The following ALCAM variants were observed in gnomAD, a reference collection of about 807,000 sequenced individuals.
The protein encoded by ALCAM is activated leukocyte cell adhesion molecule, also known as CD166 antigen.
In ALCAM, 30 loss-of-function variants were observed where a neutral mutation model predicts 70.9. That is an observed-to-expected ratio of 0.42 (90% CI 0.32 to 0.57). ALCAM has a LOEUF of 0.57. Among genes scored for constraint, ALCAM ranks in the 20% least tolerant of loss-of-function variants. The pLI, the probability that ALCAM is intolerant of heterozygous loss-of-function variation, is 0.11. For missense variants in ALCAM, 591 were observed against 695.1 expected (o/e 0.85, Z 1.68); for synonymous variants, 249 against 242.5 (o/e 1.03, Z -0.25).
intron 1 of ALCAM, among the ~76,000 whole-genome samples, chr3:105,491,199 G>A (rs951893695): frequency 3.9e-5 from 6 of 152,178 alleles, no homozygotes; most frequent in Non-Finnish European, 8.8e-5. Flanking sequence ...GCCATGGCTG[G>A]AGTGGATGAG....
chr3:105,564,053 T>A (rs183970959), intron 14 of ALCAM, among the ~76,000 whole-genome samples: 173 of 152,272 alleles, frequency 1.1e-3, no homozygotes, highest in African/African-American at 4.0e-3. Context: ...TTGAAGTACA[T>A]TGAGATTTAT....
chr3:105,377,292 G>T (rs942865155), intron 1 of ALCAM, among the ~76,000 whole-genome samples: 4 of 152,080 alleles, frequency 2.6e-5, no homozygotes, highest in African/African-American at 9.7e-5. Flanking sequence ...ACAAACTAGA[G>T]CAGTGAACAT....
intron 8 of ALCAM, among the ~76,000 whole-genome samples, chr3:105,542,895 G>T (rs1358148222): frequency 6.6e-6 from 1 of 151,676 alleles, no homozygotes; most frequent in African/African-American, 2.4e-5. Context: ...TGTTGCTTGG[G>T]TTTGAATGTG....
At chr3:105,526,473 G>T (rs62260823) in intron 3 of ALCAM, among the ~76,000 whole-genome samples, 2,912 of 151,974 alleles carry the variant, frequency 0.019, 53 homozygotes, top group Non-Finnish European at 0.03. Context: ...CCCACCTACC[G>T]CCAACACCCC....
intron 6 of ALCAM, 109 bp from the exon 7 acceptor site, chr3:105,539,866 A>G (rs1235210568): frequency 2.6e-6 from 3 of 1,154,224 alleles, no homozygotes; most frequent in African/African-American, 3.2e-5. Context: ...AGCAATTACC[A>G]TTACTAGCTT....
chr3:105,493,843 C>G (rs1260009385), intron 1 of ALCAM, among the ~76,000 whole-genome samples: 1 of 152,156 alleles, frequency 6.6e-6, no homozygotes, highest in Non-Finnish European at 1.5e-5. Context: ...GTACCAGGCT[C>G]TCTGCTAAGT....
At chr3:105,439,237 G>A (rs1482241557) in intron 1 of ALCAM, 2 of 152,114 alleles carry the variant, frequency 1.3e-5, no homozygotes, top group African/African-American at 4.8e-5. Flanking sequence ...AGTGTAACCA[G>A]GTCTCAGAAG....
In ALCAM at chr3:105,551,811, G is replaced by A. The variant is rs143626156; in HGVS notation, c.1508-333G>A. Among the ~76,000 whole-genome samples the A allele has an allele frequency of 4.0e-3, 611 of 151,464 alleles. 3 individuals are homozygous for A. Among genetic ancestry groups the A allele is most frequent in the African/African-American group, 7.8e-3 (322 of 41,380 alleles). On this transcript the variant is annotated intron_variant, in intron 12 of 15. Transcript: ENST00000306107. ...TCACACTGTAGACTTCCTAGGTGCC[G>A]ACTTGCTTCCCTAAAAAAAGAATGA...
At chr3:105,408,011 G>A (rs758890044) in intron 1 of ALCAM, among the ~76,000 whole-genome samples, 4 of 152,016 alleles carry the variant, frequency 2.6e-5, no homozygotes, top group Non-Finnish European at 5.9e-5. Flanking sequence ...CTAAGGACGT[G>A]AAAGACCTTA....
At chr3:105,420,054 T>G (rs995742803) in intron 1 of ALCAM, among the ~76,000 whole-genome samples, 1 of 151,764 alleles carries the variant, frequency 6.6e-6, no homozygotes, top group Non-Finnish European at 1.5e-5. Context: ...CGTTTTGGAA[T>G]TTTTGCAGAA....
At chr3:105,517,591 T>A (rs1939417073) in intron 1 of ALCAM, among the ~76,000 whole-genome samples, 2 of 152,152 alleles carry the variant, frequency 1.3e-5, no homozygotes, top group Non-Finnish European at 2.9e-5. Context: ...GGAGCACAAG[T>A]AATCAATCTT....
At chr3:105,401,182 C>G (rs1936079696) in intron 1 of ALCAM, among the ~76,000 whole-genome samples, 1 of 152,298 alleles carries the variant, frequency 6.6e-6, no homozygotes, top group Middle Eastern at 3.4e-3. Flanking sequence ...ACAAGGAACA[C>G]CCACACCTTA....
chr3:105,480,224 C>G (rs976287320), intron 1 of ALCAM, among the ~76,000 whole-genome samples: 19 of 152,026 alleles, frequency 1.2e-4, no homozygotes, highest in African/African-American at 4.1e-4. Flanking sequence ...GTGGCACGTG[C>G]CTATAATCCC....
chr3:105,556,524 A>T (rs946096127), intron 14 of ALCAM, among the ~76,000 whole-genome samples: 1 of 152,032 alleles, frequency 6.6e-6, no homozygotes, highest in African/African-American at 2.4e-5. Context: ...GCCTTATACG[A>T]TGCTTTATTA....
chr3:105,536,939 C>T (rs565573310), intron 6 of ALCAM, among the ~76,000 whole-genome samples: 23 of 152,178 alleles, frequency 1.5e-4, no homozygotes, highest in Non-Finnish European at 2.6e-4. Context: ...GGGTATAGGA[C>T]GGTGATTGAC....
intron 1 of ALCAM, among the ~76,000 whole-genome samples, chr3:105,504,079 A>T (rs186803013): frequency 2.6e-5 from 4 of 152,332 alleles, no homozygotes; most frequent in Admixed American, 6.5e-5. Context: ...TTAATTTAGT[A>T]TATTCATGAT....
intron 1 of ALCAM, among the ~76,000 whole-genome samples, chr3:105,390,132 T>G (rs1191093365): frequency 6.6e-6 from 1 of 152,032 alleles, no homozygotes; most frequent in Non-Finnish European, 1.5e-5. Context: ...CAAATGGTAT[T>G]TATGGTTCTA....
At chr3:105,561,961 G>A (rs372982559) in intron 14 of ALCAM, among the ~76,000 whole-genome samples, 3 of 152,100 alleles carry the variant, frequency 2.0e-5, no homozygotes, top group African/African-American at 4.8e-5. Flanking sequence ...TTTTCACTAG[G>A]CATTATGACA....
chr3:105,464,138 T>G (rs1426371172), intron 1 of ALCAM, among the ~76,000 whole-genome samples: 1 of 151,374 alleles, frequency 6.6e-6, no homozygotes, highest in Non-Finnish European at 1.5e-5. Flanking sequence ...ATTTTTTGTC[T>G]TGTCCGACTA....
Sources: allele counts gnomAD v4.1 joint callset (sites outside exome capture counted in the v4.1 genomes callset), GRCh38; gene constraint gnomAD v4.1.1; transcripts MANE v1.5; gene names NCBI Gene and HGNC (gene_info 2026-07-23, HGNC 2026-07-21).